Variants in NCKAP5 observed in about 807,000 individuals in gnomAD.
NCKAP5 encodes the protein nck-associated protein 5.
NCKAP5 carries 92 observed loss-of-function variants against 167.0 expected under a neutral mutation model. The ratio of observed to expected loss-of-function variants is 0.55; its 90% CI spans 0.47 to 0.66. NCKAP5 has a LOEUF of 0.66. Among genes scored for constraint, NCKAP5 ranks in the 30% least tolerant of loss-of-function variants. NCKAP5 has a pLI of 0.00. For synonymous variants in NCKAP5, 891 were observed against 877.4 expected (o/e 1.02, Z -0.27); for missense variants, 2,378 against 2,315.0 (o/e 1.03, Z -0.56).
At chr2:133,112,806 T>C (rs1238549444) in intron 6 of NCKAP5, among the ~76,000 whole-genome samples, 2 of 152,204 alleles carry the variant, frequency 1.3e-5, no homozygotes, top group African/African-American at 2.4e-5. Flanking sequence ...CCTACAAATA[T>C]CCAAATGCCA....
At chr2:132,692,712 C>T (rs1209395668) in intron 19 of NCKAP5, among the ~76,000 whole-genome samples, 3 of 152,188 alleles carry the variant, frequency 2.0e-5, no homozygotes, top group South Asian at 2.1e-4. Context: ...AAACATTTCT[C>T]TAATTACATC....
At chr2:132,795,074 C>A (rs944753001) in intron 12 of NCKAP5, among the ~76,000 whole-genome samples, 1 of 152,184 alleles carries the variant, frequency 6.6e-6, no homozygotes, top group African/African-American at 2.4e-5. Flanking sequence ...CACCACAACT[C>A]TCTGAAATAG....
At chr2:133,274,099 A>G (rs1304278043) in intron 4 of NCKAP5, among the ~76,000 whole-genome samples, 1 of 151,932 alleles carries the variant, frequency 6.6e-6, no homozygotes, top group African/African-American at 2.4e-5. Context: ...AAGGTCTTAG[A>G]GCAGTTATTA....
chr2:133,136,670 T>C (rs899425357), intron 5 of NCKAP5, among the ~76,000 whole-genome samples: 3 of 152,160 alleles, frequency 2.0e-5, no homozygotes, highest in African/African-American at 7.2e-5. Flanking sequence ...TTAGTACTCT[T>C]GGATAATAAG....
chr2:132,852,520 A>C (rs1200111529), intron 11 of NCKAP5, among the ~76,000 whole-genome samples: 1 of 152,250 alleles, frequency 6.6e-6, no homozygotes, highest in African/African-American at 2.4e-5. Flanking sequence ...AATTTCAGCC[A>C]GCATGACACT....
At chr2:132,738,842 G>C (rs761748086) in intron 16 of NCKAP5, among the ~76,000 whole-genome samples, 1 of 151,912 alleles carries the variant, frequency 6.6e-6, no homozygotes, top group African/African-American at 2.4e-5. Flanking sequence ...AACAGCTCTC[G>C]TGTGAACCAA....
At chr2:132,789,966 C>A in intron 13 of NCKAP5, 57 bp downstream of exon 13, 1 of 1,513,336 alleles carries the variant, frequency 6.6e-7, no homozygotes, top group East Asian at 2.4e-5. Flanking sequence ...TCTCCATGAC[C>A]AAATCCTACC....
intron 3 of NCKAP5, among the ~76,000 whole-genome samples, chr2:133,423,160 C>T (rs1396408452): frequency 6.6e-6 from 1 of 152,194 alleles, no homozygotes; most frequent in Non-Finnish European, 1.5e-5. Context: ...CGAACATTTA[C>T]AGTCTGTTGC....
intron 4 of NCKAP5, among the ~76,000 whole-genome samples, chr2:133,218,877 A>T (rs2086540903): frequency 6.6e-6 from 1 of 152,224 alleles, no homozygotes; most frequent in East Asian, 1.9e-4. Context: ...CTCAAATCTT[A>T]TTAATTCAAT....
In NCKAP5 at chr2:133,194,991, G is replaced by A. The variant is rs193103843; in HGVS notation, c.207+18725C>T. The stretch of plus-strand genomic sequence containing the variant: ...GAACTTCTAATGTAATTACATGTCG[G>A]ATGAATCACTAATACAGGCATATAA... On this transcript the variant is annotated intron_variant, in intron 5 of 19. Transcript: ENST00000409261. 5.6e-4 allele frequency among the ~76,000 whole-genome samples: 85 copies of A among 152,044 alleles called. 2 individuals carry two copies. Among genetic ancestry groups the A allele is most frequent in the African/African-American group, 1.9e-3 (79 of 41,482 alleles).
At chr2:133,359,199 T>C (rs544282191) in intron 3 of NCKAP5, among the ~76,000 whole-genome samples, 8 of 152,318 alleles carry the variant, frequency 5.3e-5, no homozygotes, top group African/African-American at 1.9e-4. Flanking sequence ...CAGTCTCCAG[T>C]TTCCAGATAA....
chr2:132,756,392 A>T lies in NCKAP5; in HGVS notation c.5128+17424T>A, dbSNP rs1369181477. Among the ~76,000 whole-genome samples, 3 of 152,198 alleles carry T rather than the reference A, an allele frequency of 2.0e-5. No individual in the cohort carries two copies. In the East Asian group the frequency reaches 5.8e-4, roughly 29 times the overall value. The stretch of plus-strand genomic sequence containing the variant: ...GAAACTTGGGCCAGGGAAAAGCATT[A>T]GAGTGTATCTAGAATAACCTCTCTC... On this transcript the variant is annotated intron_variant, in intron 16 of 19. Coordinates refer to ENST00000409261, the MANE Select transcript of NCKAP5 (RefSeq NM_207363.3).
In NCKAP5 at chr2:132,773,956, T is replaced by C; in HGVS notation, c.5050-62A>G. 5 of 1,378,854 alleles carry C rather than the reference T, an allele frequency of 3.6e-6. No individual in the cohort carries two copies. In the South Asian group the frequency reaches 4.9e-5, roughly 13 times the overall value. The allele number at this position is 1,378,854 out of a possible 1,614,324, so 85.4% of individuals were successfully genotyped here. On this transcript the variant is annotated intron_variant, in intron 15 of 19. Transcript: ENST00000409261. ...TTTTATTAAAAAGATCCTTTTGCAATCCTCAGAGTAATGGTACATTCTATA... is the reference window on the plus strand; with the variant it reads ...TTTTATTAAAAAGATCCTTTTGCAACCCTCAGAGTAATGGTACATTCTATA...
At chr2:133,106,564 C>G (rs2081710220) in intron 6 of NCKAP5, among the ~76,000 whole-genome samples, 1 of 152,132 alleles carries the variant, frequency 6.6e-6, no homozygotes. Flanking sequence ...GAGTAAAGGT[C>G]ACCCTGTTTC....
At chr2:133,582,592 G>A in the NCKAP5 span, among the ~76,000 whole-genome samples, 7 of 152,130 alleles carry the variant, frequency 4.6e-5, no homozygotes, top group African/African-American at 9.7e-5. Context: ...TGGGCAGTTC[G>A]GCAGACATCC....
At position 133,000,370 on chromosome 2, in the gene NCKAP5, C is replaced by T. The variant is rs574607117; in HGVS notation, c.342-6131G>A. Among the ~76,000 whole-genome samples the T allele has an allele frequency of 1.5e-3, 228 of 152,200 alleles. 1 individual carries two copies. The highest frequency in any genetic ancestry group is 6.8e-3 in the Middle Eastern group (2 of 294). On this transcript the variant is annotated intron_variant, in intron 6 of 19. Transcript: ENST00000409261. Reference sequence around the variant, plus strand: ...AGCATCCCTCCCTTACCCTAGGCTTCCCTCCTAGGAAACCTGACACAACAC... The same window carrying T: ...AGCATCCCTCCCTTACCCTAGGCTTTCCTCCTAGGAAACCTGACACAACAC...
At chr2:132,801,776 C>T (rs933651628) in intron 11 of NCKAP5, among the ~76,000 whole-genome samples, 1 of 152,206 alleles carries the variant, frequency 6.6e-6, no homozygotes, top group Non-Finnish European at 1.5e-5. Flanking sequence ...AGTTCTGCAT[C>T]TGTAATTCAA....
the NCKAP5 span, among the ~76,000 whole-genome samples, chr2:133,616,381 T>C: frequency 6.6e-6 from 1 of 152,010 alleles, no homozygotes; most frequent in Non-Finnish European, 1.5e-5. Context: ...TTTGAAAGCA[T>C]CAACAAAGTT....
intron 6 of NCKAP5, among the ~76,000 whole-genome samples, chr2:133,121,063 T>G (rs1391266348): frequency 6.6e-6 from 1 of 152,134 alleles, no homozygotes; most frequent in East Asian, 1.9e-4. Flanking sequence ...CTTTAACTCT[T>G]TATTTAGATC....
Sources: gnomAD v4.1 joint callset for allele counts (sites outside exome capture counted in the v4.1 genomes callset) on GRCh38, gnomAD v4.1.1 for gene constraint, MANE v1.5 for transcripts, NCBI Gene and HGNC (gene_info 2026-07-23, HGNC 2026-07-21) for gene names.